Variants in GRID2 observed in about 807,000 individuals in gnomAD.
GRID2 encodes glutamate receptor ionotropic, delta-2.
A neutral mutation model predicts 114.8 loss-of-function variants in GRID2; 33 were observed. That is an observed-to-expected ratio of 0.29 (90% CI 0.22 to 0.38). The LOEUF is 0.38. GRID2 is among the 10% of genes least tolerant of loss of function. The pLI is 1.00. For missense variants in GRID2, 1,184 were observed against 1,257.7 expected (o/e 0.94, Z 0.89); for synonymous variants, 505 against 449.9 (o/e 1.12, Z -1.55).
intron 1 of GRID2, among the ~76,000 whole-genome samples, chr4:92,339,144 T>G (rs961005037): frequency 6.6e-6 from 1 of 152,110 alleles, no homozygotes; most frequent in Non-Finnish European, 1.5e-5. Flanking sequence ...CTGTAGTCAT[T>G]ACCATGTATC....
chr4:92,634,199 G>T (rs1355052404), intron 2 of GRID2, among the ~76,000 whole-genome samples: 1 of 151,928 alleles, frequency 6.6e-6, no homozygotes, highest in Non-Finnish European at 1.5e-5. Context: ...AAGCCGTCCT[G>T]GGCCACATGT....
At chr4:92,639,970 T>C (rs772374168) in intron 2 of GRID2, among the ~76,000 whole-genome samples, 1 of 151,798 alleles carries the variant, frequency 6.6e-6, no homozygotes, top group African/African-American at 2.4e-5. Context: ...TTGAATCTTA[T>C]GATTTCTAAC....
chr4:93,719,559 T>C (rs1162403801), intron 14 of GRID2, among the ~76,000 whole-genome samples: 3 of 152,176 alleles, frequency 2.0e-5, no homozygotes, highest in Non-Finnish European at 4.4e-5. Context: ...AAGGCAGTGT[T>C]ACACATTTTC....
chr4:93,700,749 G>A (rs540942873), intron 14 of GRID2, among the ~76,000 whole-genome samples: 3 of 152,216 alleles, frequency 2.0e-5, no homozygotes, highest in Non-Finnish European at 4.4e-5. Flanking sequence ...ATTCCTGTGG[G>A]CTATCACTGT....
chr4:93,014,228 G>T lies in GRID2; in HGVS notation c.245-70767G>T, dbSNP rs185060592. Among the ~76,000 whole-genome samples the T allele has an allele frequency of 4.9e-4, 74 of 152,046 alleles. 1 individual carries two copies. In the East Asian group the frequency reaches 0.012, roughly 25 times the overall value. Reference sequence around the variant, plus strand: ...AAAGAAATTTATTTCTCAAGTTTCTGGAAACTGCATGCCTGATCACCACCC... The same window carrying T: ...AAAGAAATTTATTTCTCAAGTTTCTTGAAACTGCATGCCTGATCACCACCC... On this transcript the variant is annotated intron_variant, in intron 2 of 15. Transcript: ENST00000282020.
chr4:93,507,586 A>G (rs1412374501), intron 12 of GRID2, among the ~76,000 whole-genome samples: 3 of 152,200 alleles, frequency 2.0e-5, no homozygotes, highest in Admixed American at 6.5e-5. Context: ...ATTTATAAGC[A>G]TTTCAATTAA....
At chr4:92,314,535 A>C (rs1725870612) in intron 1 of GRID2, among the ~76,000 whole-genome samples, 1 of 152,092 alleles carries the variant, frequency 6.6e-6, no homozygotes, top group Non-Finnish European at 1.5e-5. Context: ...GAGGATACCT[A>C]ATCCAGAAAT....
intron 9 of GRID2, among the ~76,000 whole-genome samples, chr4:93,406,538 A>G (rs1766439620): frequency 6.6e-6 from 1 of 152,182 alleles, no homozygotes; most frequent in Non-Finnish European, 1.5e-5. Flanking sequence ...GAGAAATTCT[A>G]CAAGTGTGGG....
chr4:93,785,938 A>G (rs1409526652), intron 1 of GRID2, among the ~76,000 whole-genome samples: 1 of 152,240 alleles, frequency 6.6e-6, no homozygotes, highest in African/African-American at 2.4e-5. Context: ...AAAATCATCC[A>G]AGGAATATGT....
intron 8 of GRID2, among the ~76,000 whole-genome samples, chr4:93,317,883 T>A (rs1756827665): frequency 6.6e-6 from 1 of 150,620 alleles, no homozygotes; most frequent in Admixed American, 6.7e-5. Context: ...CAATTTTCTC[T>A]CACTAAATAA....
chr4:93,549,293 G>A (rs1733539292), intron 13 of GRID2, among the ~76,000 whole-genome samples: 1 of 152,162 alleles, frequency 6.6e-6, no homozygotes, highest in Non-Finnish European at 1.5e-5. Context: ...AAAGTAGGAT[G>A]TAGAGAATAC....
At chr4:93,797,520 A>G (rs1374531700) in intron 1 of GRID2, among the ~76,000 whole-genome samples, 1 of 152,210 alleles carries the variant, frequency 6.6e-6, no homozygotes, top group Admixed American at 6.5e-5. Context: ...TTATAATTTC[A>G]TCATGATGGT....
intron 10 of GRID2, among the ~76,000 whole-genome samples, chr4:93,431,504 G>C (rs1180338256): frequency 6.6e-6 from 1 of 152,148 alleles, no homozygotes; most frequent in Non-Finnish European, 1.5e-5. Flanking sequence ...TTGATGATAA[G>C]AACTGCCAAA....
At chr4:92,341,844 G>A (rs750619673) in intron 1 of GRID2, among the ~76,000 whole-genome samples, 3 of 151,526 alleles carry the variant, frequency 2.0e-5, no homozygotes, top group Non-Finnish European at 4.4e-5. Flanking sequence ...GAACTCGGGA[G>A]GCAGAGCTTG....
intron 2 of GRID2, among the ~76,000 whole-genome samples, chr4:92,953,288 A>T (rs1200304287): frequency 1.3e-5 from 2 of 152,148 alleles, no homozygotes; most frequent in Non-Finnish European, 2.9e-5. Context: ...ATCTTATAAA[A>T]ATGATGTCGA....
chr4:93,579,807 AT>A (rs773410746), intron 13 of GRID2, among the ~76,000 whole-genome samples: 5 of 152,134 alleles, frequency 3.3e-5, no homozygotes, highest in Non-Finnish European at 5.9e-5. Context: ...TTTGCTTAAC[AT>A]TCCTCTCAGG....
At chr4:93,056,203 A>T (rs1048815392) in intron 2 of GRID2, among the ~76,000 whole-genome samples, 1 of 151,946 alleles carries the variant, frequency 6.6e-6, no homozygotes, top group African/African-American at 2.4e-5. Flanking sequence ...AACATAAAAG[A>T]AACATATGTT....
At chr4:93,349,785 T>G (rs1464712975) in intron 8 of GRID2, among the ~76,000 whole-genome samples, 1 of 151,930 alleles carries the variant, frequency 6.6e-6, no homozygotes, top group Non-Finnish European at 1.5e-5. Context: ...CGAAAACAAA[T>G]AAACTAAAAA....
intron 2 of GRID2, among the ~76,000 whole-genome samples, chr4:92,887,052 T>A (rs1746425588): frequency 6.6e-6 from 1 of 152,250 alleles, no homozygotes; most frequent in Non-Finnish European, 1.5e-5. Flanking sequence ...TAAATAACTC[T>A]ACATATGATT....
Sources: gnomAD v4.1 joint callset for allele counts (sites outside exome capture counted in the v4.1 genomes callset) on GRCh38, gnomAD v4.1.1 for gene constraint, MANE v1.5 for transcripts, NCBI Gene and HGNC (gene_info 2026-07-23, HGNC 2026-07-21) for gene names.